Variants in TXNRD2 observed in about 807,000 individuals in gnomAD.
TXNRD2 encodes the protein thioredoxin reductase 2, mitochondrial.
TXNRD2 carries 67 observed loss-of-function variants against 70.8 expected under a neutral mutation model. That is an observed-to-expected ratio of 0.95 (90% CI 0.78 to 1.16). The LOEUF is 1.16. Among genes scored for constraint, TXNRD2 ranks in the 50% most tolerant of loss-of-function variants. The pLI is 0.00. For synonymous variants in TXNRD2, 301 were observed against 295.8 expected, an observed-to-expected ratio of 1.02 and a Z score of -0.18; for missense variants, 644 against 719.9, an observed-to-expected ratio of 0.89 and a Z score of 1.21.
chr22:19,929,320 C>A (rs1223473443), intron 2 of TXNRD2, among the ~76,000 whole-genome samples: 2 of 143,840 alleles, frequency 1.4e-5, no homozygotes, highest in African/African-American at 5.2e-5. Flanking sequence ...GAGCGAGACT[C>A]CATCTCAAAA....
chr22:19,883,334 G>A lies in TXNRD2; in HGVS notation c.1077C>T (p.Asp359=), dbSNP rs147383232. ...TSVPHIYAIG[D]VVEGRPELTP... ...GGGACGCATGCCGTACCTCCACCAC[G>A]TCACCAATGGCGTAGATGTGGGGCA... Residue 359 remains aspartate, a synonymous_variant, in exon 12 of 18, where the codon GAC becomes GAT. Transcript: ENST00000400521. 2.4e-4 allele frequency: 388 copies of A among 1,613,730 alleles called. 2 individuals are homozygous for A. In the East Asian group the frequency reaches 7.8e-3, roughly 32 times the overall value.
chr22:19,935,262 GTC>G (rs1337121425), intron 1 of TXNRD2, among the ~76,000 whole-genome samples: 1 of 152,178 alleles, frequency 6.6e-6, no homozygotes, highest in African/African-American at 2.4e-5. Flanking sequence ...CTCTGGGAGT[GTC>G]TGTCTTATGC....
chr22:19,916,360 C>G (rs556016781), intron 5 of TXNRD2: 1 of 171,692 alleles, frequency 5.8e-6, no homozygotes, highest in East Asian at 1.7e-4. Context: ...GTCAAAGTCT[C>G]ACTCTGTCGC....
At chr22:19,897,096 G>A (rs960501121) in intron 10 of TXNRD2, among the ~76,000 whole-genome samples, 6 of 152,132 alleles carry the variant, frequency 3.9e-5, no homozygotes, top group Non-Finnish European at 7.4e-5. Context: ...TAGACACTGC[G>A]TCCCTACCAC....
chr22:19,907,294 C>T (rs71312717), intron 8 of TXNRD2, among the ~76,000 whole-genome samples: 6 of 37,632 alleles, frequency 1.6e-4, no homozygotes, highest in East Asian at 6.4e-4. Context: ...AGGGTGTGGG[C>T]GCCGTGGATA....
intron 7 of TXNRD2, among the ~76,000 whole-genome samples, chr22:19,912,136 A>T (rs1175965572): frequency 6.6e-6 from 1 of 152,236 alleles, no homozygotes; most frequent in Non-Finnish European, 1.5e-5. Flanking sequence ...TCACCTGAAG[A>T]GGGGCGGCCA....
chr22:19,925,938 G>A (rs141416386), intron 2 of TXNRD2, among the ~76,000 whole-genome samples: 2,101 of 152,138 alleles, frequency 0.014, 48 homozygotes, highest in African/African-American at 0.048. Context: ...AGGCCGAGGC[G>A]GGTGGATCAC....
intron 1 of TXNRD2, among the ~76,000 whole-genome samples, chr22:19,932,773 C>T (rs113858020): frequency 5.9e-5 from 9 of 152,284 alleles, no homozygotes; most frequent in African/African-American, 2.2e-4. Flanking sequence ...TCAGACAAGG[C>T]CAAGAGGTTC....
intron 2 of TXNRD2, among the ~76,000 whole-genome samples, chr22:19,925,143 G>A (rs1249768067): frequency 1.3e-4 from 19 of 151,810 alleles, no homozygotes; most frequent in Non-Finnish European, 2.2e-4. Context: ...AATTAGACGG[G>A]CATGGTGGCA....
intron 1 of TXNRD2, 57 bp from the exon 2 acceptor site, chr22:19,931,155 G>T: frequency 1.3e-6 from 2 of 1,531,516 alleles, no homozygotes. Flanking sequence ...CGTGGTACAG[G>T]ATCAATTTTA....
chr22:19,894,450 A>G (rs1156963179), intron 11 of TXNRD2: 1 of 152,784 alleles, frequency 6.5e-6, no homozygotes, highest in Non-Finnish European at 1.5e-5. Flanking sequence ...TCAAATCCAT[A>G]TCATTTTTAT....
chr22:19,914,802 T>C (rs1601446575), intron 7 of TXNRD2: 1 of 286,416 alleles, frequency 3.5e-6, no homozygotes, highest in South Asian at 3.5e-5. Flanking sequence ...TTTTATAGCG[T>C]GTGAATTTTA....
At chr22:19,909,705 C>CCACACACACCACG (rs1940261998) in intron 8 of TXNRD2, among the ~76,000 whole-genome samples, 1 of 134,196 alleles carries the variant, frequency 7.5e-6, no homozygotes, top group Non-Finnish European at 1.6e-5. Flanking sequence ...CTCACACACA[C>CCACACACACCACG]CACACACACC....
intron 15 of TXNRD2, 37 bp downstream of exon 15, chr22:19,878,329 T>C: frequency 6.2e-7 from 1 of 1,611,364 alleles, no homozygotes; most frequent in Non-Finnish European, 8.5e-7. Flanking sequence ...CCACCCTCCC[T>C]CTCATCCTCA....
intron 4 of TXNRD2, among the ~76,000 whole-genome samples, chr22:19,918,484 G>T (rs1009398964): frequency 3.3e-5 from 5 of 152,200 alleles, no homozygotes; most frequent in African/African-American, 4.8e-5. Flanking sequence ...GCTACCCACT[G>T]CAGGCAGAGG....
At chr22:19,905,057 C>T (rs1183427400) in intron 8 of TXNRD2, among the ~76,000 whole-genome samples, 1 of 152,174 alleles carries the variant, frequency 6.6e-6, no homozygotes, top group African/African-American at 2.4e-5. Flanking sequence ...TGTAGACCCT[C>T]CGGGCTTATT....
At chr22:19,917,585 T>C (rs912236214) in intron 5 of TXNRD2, among the ~76,000 whole-genome samples, 1 of 152,144 alleles carries the variant, frequency 6.6e-6, no homozygotes, top group African/African-American at 2.4e-5. Flanking sequence ...GCATCTGCTG[T>C]GCTGGCAGCT....
intron 2 of TXNRD2, among the ~76,000 whole-genome samples, chr22:19,926,477 G>A (rs778758200): frequency 6.0e-5 from 9 of 151,020 alleles, no homozygotes; most frequent in Non-Finnish European, 1.0e-4. Context: ...GTGACAGAGC[G>A]AGACTCCATC....
chr22:19,905,937 G>C (rs1364246544), intron 8 of TXNRD2, among the ~76,000 whole-genome samples: 1 of 150,542 alleles, frequency 6.6e-6, no homozygotes, highest in African/African-American at 2.4e-5. Flanking sequence ...AAAAAATCTT[G>C]GGGGTGGGGC....
Sources: allele counts gnomAD v4.1 joint callset (sites outside exome capture counted in the v4.1 genomes callset), GRCh38; gene constraint gnomAD v4.1.1; transcripts MANE v1.5; gene names NCBI Gene and HGNC (gene_info 2026-07-23, HGNC 2026-07-21).